DPYD: variants seen among roughly 807,000 people sequenced by gnomAD.
DPYD encodes the protein dihydropyrimidine dehydrogenase [NADP(+)].
Under a neutral mutation model 116.2 loss-of-function variants are expected in DPYD, and 109 were observed. That is an observed-to-expected ratio of 0.94 (90% confidence interval 0.80 to 1.10). DPYD has a LOEUF of 1.10. Ranked by LOEUF, DPYD falls within the 50% of genes least tolerant of loss-of-function variation. The pLI, the probability that DPYD is intolerant of heterozygous loss-of-function variation, is 0.00. For synonymous variants in DPYD, 440 were observed against 432.0 expected, an observed-to-expected ratio of 1.02 and a Z score of -0.23; for missense variants, 1,302 against 1,254.5, an observed-to-expected ratio of 1.04 and a Z score of -0.57.
chr1:97,291,153 G>T (rs1396699974), intron 18 of DPYD, among the ~76,000 whole-genome samples: 3 of 152,078 alleles, frequency 2.0e-5, no homozygotes, highest in Admixed American at 6.6e-5. Flanking sequence ...TCTCACACCA[G>T]TTAGAATGGC....
intron 13 of DPYD, among the ~76,000 whole-genome samples, chr1:97,489,057 A>G (rs1678820497): frequency 1.3e-5 from 2 of 152,184 alleles, no homozygotes; most frequent in African/African-American, 2.4e-5. Context: ...CTGAGCCCCA[A>G]TTTGGGGGCT....
At chr1:97,712,060 C>G (rs1662318107) in intron 5 of DPYD, among the ~76,000 whole-genome samples, 1 of 151,926 alleles carries the variant, frequency 6.6e-6, no homozygotes, top group Non-Finnish European at 1.5e-5. Context: ...CTTAGTATTG[C>G]ACAATATTAC....
At chr1:97,787,017 G>T (rs1416047446) in intron 3 of DPYD, among the ~76,000 whole-genome samples, 1 of 152,032 alleles carries the variant, frequency 6.6e-6, no homozygotes, top group East Asian at 1.9e-4. Context: ...AAAACCACAG[G>T]TCACTGTGAA....
At chr1:97,650,707 G>A (rs1042206239) in intron 8 of DPYD, among the ~76,000 whole-genome samples, 6 of 151,918 alleles carry the variant, frequency 3.9e-5, no homozygotes, top group Non-Finnish European at 7.4e-5. Flanking sequence ...GTAGTCCCTA[G>A]GGCATAACTC....
chr1:97,098,534 A>G lies in DPYD; in HGVS notation c.2721T>C (p.Leu907=). Residue 907 remains leucine, a synonymous_variant, in exon 21 of 23, where the codon CTT becomes CTC. Transcript: ENST00000370192. ...LKEQNVAFSP[L]KRNCFIPKRP... ...TTTTGGGGATAAAACAGTTTCTCTT[A>G]AGTGGTGAAAAAGCTACATTTTGTT... is the stretch of plus-strand genomic sequence containing the variant. 6.2e-7 allele frequency: 1 copy of G among 1,613,162 alleles called. No homozygotes were observed. Among genetic ancestry groups the G allele is most frequent in the African/African-American group, 1.3e-5 (1 of 74,962 alleles).
chr1:97,122,131 AGCAATTAGC>A (rs1652488342), intron 20 of DPYD, among the ~76,000 whole-genome samples: 1 of 152,192 alleles, frequency 6.6e-6, no homozygotes, highest in Non-Finnish European at 1.5e-5. Flanking sequence ...TTTGAGGAGT[AGCAATTAGC>A]CTCATGTAGC....
intron 5 of DPYD, among the ~76,000 whole-genome samples, chr1:97,705,380 GTGTT>G (rs1661873978): frequency 6.6e-6 from 1 of 151,988 alleles, no homozygotes; most frequent in Non-Finnish European, 1.5e-5. Flanking sequence ...AGAACATGCA[GTGTT>G]TGGTTTTTTT....
At chr1:97,133,075 TTC>T (rs954995858) in intron 20 of DPYD, among the ~76,000 whole-genome samples, 1 of 152,094 alleles carries the variant, frequency 6.6e-6, no homozygotes, top group African/African-American at 2.4e-5. Context: ...ATTTTCTAGG[TTC>T]TTTTTTAGAT....
intron 18 of DPYD, among the ~76,000 whole-genome samples, chr1:97,291,555 G>C (rs1431622397): frequency 6.6e-6 from 1 of 152,132 alleles, no homozygotes; most frequent in Non-Finnish European, 1.5e-5. Flanking sequence ...GATGAAATTG[G>C]AAATCATCAT....
chr1:97,179,222 C>T (rs1021440506), intron 20 of DPYD, among the ~76,000 whole-genome samples: 3 of 152,146 alleles, frequency 2.0e-5, no homozygotes, highest in Non-Finnish European at 4.4e-5. Flanking sequence ...AGATTATATA[C>T]AGTAGCACAG....
chr1:97,342,822 C>A (rs1669649758), intron 16 of DPYD, among the ~76,000 whole-genome samples: 1 of 152,050 alleles, frequency 6.6e-6, no homozygotes, highest in South Asian at 2.1e-4. Flanking sequence ...GTGGCCTTTG[C>A]AATTACTGGC....
chr1:97,245,732 G>A (rs1047629568), intron 18 of DPYD, among the ~76,000 whole-genome samples: 1 of 152,070 alleles, frequency 6.6e-6, no homozygotes, highest in African/African-American at 2.4e-5. Context: ...ATAAAAAAGA[G>A]GTTCCACATC....
intron 16 of DPYD, among the ~76,000 whole-genome samples, chr1:97,358,082 C>A (rs1041874667): frequency 5.9e-5 from 9 of 152,160 alleles, no homozygotes; most frequent in Non-Finnish European, 1.2e-4. Flanking sequence ...CCTGGAAAAC[C>A]AGGACACTCC....
At chr1:97,814,918 A>AATGAAAGAGG (rs1553245496) in intron 3 of DPYD, among the ~76,000 whole-genome samples, 1 of 85,580 alleles carries the variant, frequency 1.2e-5, no homozygotes. Flanking sequence ...AAAAAAAAAA[A>AATGAAAGAGG]AAAGAAAGAG....
At chr1:97,102,459 T>TTATCTACCTATC (rs1650788019) in intron 20 of DPYD, among the ~76,000 whole-genome samples, 2 of 125,094 alleles carry the variant, frequency 1.6e-5, no homozygotes, top group South Asian at 5.4e-4. Context: ...CTGAAATCTA[T>TTATCTACCTATC]TATCTATCTA....
chr1:97,466,629 T>C (rs1206201619), intron 13 of DPYD, among the ~76,000 whole-genome samples: 1 of 151,960 alleles, frequency 6.6e-6, no homozygotes, highest in Non-Finnish European at 1.5e-5. Context: ...TCCTATGAAA[T>C]GAGAGAACCT....
chr1:97,133,563 T>C (rs1047131340), intron 20 of DPYD, among the ~76,000 whole-genome samples: 3 of 152,154 alleles, frequency 2.0e-5, no homozygotes, highest in Non-Finnish European at 4.4e-5. Flanking sequence ...TGGTATATGG[T>C]ATGAGACACT....
Position 97,391,356 on chromosome 1 carries a change from A to G in DPYD, c.1906-8895T>C, listed in dbSNP as rs376662660. ...CTAAATTTGCTTATTTATCCACACT[A>G]TATATGCTTTTGTTTCACTCTTTTG... On this transcript the variant is annotated intron_variant, in intron 14 of 22. Coordinates refer to ENST00000370192, the MANE Select transcript of DPYD (RefSeq NM_000110.4). Among the ~76,000 whole-genome samples, 12 of 152,014 alleles carry G rather than the reference A, an allele frequency of 7.9e-5. No individual in the cohort carries two copies. The East Asian group carries it at 9.7e-4, about 12-fold the overall frequency.
chr1:97,158,034 G>C (rs756251753), intron 20 of DPYD, among the ~76,000 whole-genome samples: 12 of 152,186 alleles, frequency 7.9e-5, no homozygotes, highest in Non-Finnish European at 1.6e-4. Flanking sequence ...GCTTAAAAAT[G>C]TTTTACTTCA....
Sources: allele counts gnomAD v4.1 joint callset (sites outside exome capture counted in the v4.1 genomes callset), GRCh38; gene constraint gnomAD v4.1.1; transcripts MANE v1.5; gene names NCBI Gene and HGNC (gene_info 2026-07-23, HGNC 2026-07-21).